Variants in KCNIP4 observed in about 807,000 individuals in gnomAD.
KCNIP4 encodes Kv channel-interacting protein 4.
In KCNIP4, 12 loss-of-function variants were observed where a neutral mutation model predicts 34.0. The observed-to-expected ratio is 0.35, with a 90% CI of 0.23 to 0.57. The LOEUF (loss-of-function observed/expected upper bound fraction) is 0.57, where lower values mean the gene tolerates loss of function less well. KCNIP4 is among the 20% of genes least tolerant of loss of function. The pLI, the probability that KCNIP4 is intolerant of heterozygous loss-of-function variation, is 0.83. For missense variants in KCNIP4, 238 were observed against 311.7 expected (o/e 0.76, Z 1.78); for synonymous variants, 124 against 102.2 (o/e 1.21, Z -1.29).
At chr4:21,429,026 A>T (rs1046117443) in intron 1 of KCNIP4, among the ~76,000 whole-genome samples, 1 of 152,128 alleles carries the variant, frequency 6.6e-6, no homozygotes. Flanking sequence ...CATGCTTGAT[A>T]CTCTACATTC....
chr4:21,138,532 C>CT (rs11414656), intron 1 of KCNIP4, among the ~76,000 whole-genome samples: 79,045 of 151,274 alleles, frequency 0.52, 21,104 homozygotes, highest in African/African-American at 0.62. Context: ...TTTTCTTCTT[C>CT]TTTTTTTTGG....
intron 1 of KCNIP4, among the ~76,000 whole-genome samples, chr4:20,906,982 T>C (rs1251376969): frequency 1.3e-5 from 2 of 152,214 alleles, no homozygotes; most frequent in East Asian, 3.9e-4. Flanking sequence ...ATTGTTCTGA[T>C]GTGTTTATTG....
chr4:21,045,974 G>A (rs1742391567), intron 1 of KCNIP4, among the ~76,000 whole-genome samples: 1 of 152,156 alleles, frequency 6.6e-6, no homozygotes, highest in East Asian at 1.9e-4. Context: ...GAAATGGTAG[G>A]TATTTAAATA....
At chr4:21,841,003 A>T (rs957396708) in intron 1 of KCNIP4, among the ~76,000 whole-genome samples, 1 of 152,198 alleles carries the variant, frequency 6.6e-6, no homozygotes, top group East Asian at 1.9e-4. Flanking sequence ...CTTTGAAATT[A>T]ATTGTTGCTA....
At chr4:21,167,025 A>G (rs1440571142) in intron 1 of KCNIP4, among the ~76,000 whole-genome samples, 3 of 151,302 alleles carry the variant, frequency 2.0e-5, no homozygotes, top group Non-Finnish European at 4.4e-5. Context: ...ATGGTATACT[A>G]TTTAGCATTA....
At chr4:21,926,617 C>T (rs534303830) in intron 1 of KCNIP4, among the ~76,000 whole-genome samples, 6 of 152,208 alleles carry the variant, frequency 3.9e-5, no homozygotes, top group South Asian at 2.1e-4. Context: ...GAAAATGAGA[C>T]TCAGGAAGAA....
At chr4:21,239,873 G>C (rs900520061) in intron 1 of KCNIP4, among the ~76,000 whole-genome samples, 1 of 152,002 alleles carries the variant, frequency 6.6e-6, no homozygotes, top group Non-Finnish European at 1.5e-5. Context: ...CCCATTACTG[G>C]GTATATACCC....
At chr4:20,924,297 T>C (rs1729689627) in intron 1 of KCNIP4, among the ~76,000 whole-genome samples, 1 of 152,154 alleles carries the variant, frequency 6.6e-6, no homozygotes, top group Non-Finnish European at 1.5e-5. Flanking sequence ...TACCAGAAGC[T>C]CCATGTATCA....
At chr4:21,758,136 CAA>C (rs2109162382) in intron 1 of KCNIP4, among the ~76,000 whole-genome samples, 1 of 152,284 alleles carries the variant, frequency 6.6e-6, no homozygotes, top group Admixed American at 6.5e-5. Context: ...ATAATAAAAA[CAA>C]TAAGCGAAAT....
intron 2 of KCNIP4, among the ~76,000 whole-genome samples, chr4:20,855,846 T>C (rs1277591079): frequency 6.6e-6 from 1 of 152,034 alleles, no homozygotes; most frequent in Non-Finnish European, 1.5e-5. Context: ...GAAAAGGACA[T>C]GGAAAGATGA....
At chr4:21,711,734 G>A (rs568855484) in intron 1 of KCNIP4, among the ~76,000 whole-genome samples, 1 of 152,228 alleles carries the variant, frequency 6.6e-6, no homozygotes, top group Admixed American at 6.5e-5. Context: ...CAGACAAAAA[G>A]GGAACTAATG....
chr4:21,584,106 A>G (rs1222357008), intron 1 of KCNIP4, among the ~76,000 whole-genome samples: 1 of 152,030 alleles, frequency 6.6e-6, no homozygotes, highest in African/African-American at 2.4e-5. Flanking sequence ...GCTACAACCA[A>G]ACCTTTGAGG....
intron 3 of KCNIP4, among the ~76,000 whole-genome samples, chr4:20,824,289 A>G (rs1242949133): frequency 6.6e-6 from 1 of 152,214 alleles, no homozygotes; most frequent in Non-Finnish European, 1.5e-5. Context: ...ATAAAATTGT[A>G]TTCTAAAGTA....
chr4:20,743,490 G>A (rs1474434113), intron 5 of KCNIP4, among the ~76,000 whole-genome samples: 3 of 152,118 alleles, frequency 2.0e-5, no homozygotes, highest in Non-Finnish European at 4.4e-5. Context: ...TCTGATCTTT[G>A]ACAAACCTGA....
intron 1 of KCNIP4, among the ~76,000 whole-genome samples, chr4:21,406,366 A>G (rs1444943655): frequency 6.6e-6 from 1 of 152,210 alleles, no homozygotes; most frequent in Non-Finnish European, 1.5e-5. Context: ...AAATAATAGC[A>G]TCAACAATAT....
chr4:20,796,673 A>G (rs1713514412), intron 3 of KCNIP4, among the ~76,000 whole-genome samples: 1 of 151,432 alleles, frequency 6.6e-6, no homozygotes, highest in Non-Finnish European at 1.5e-5. Context: ...TCTAATTTGC[A>G]GAGTAAACAA....
chr4:21,745,147 GAAAT>G (rs1487456724), intron 1 of KCNIP4, among the ~76,000 whole-genome samples: 4 of 152,128 alleles, frequency 2.6e-5, no homozygotes, highest in Non-Finnish European at 5.9e-5. Context: ...GATCTCCCAA[GAAAT>G]AAAGTAGAAA....
At chr4:21,266,799 G>GT (rs146646489) in intron 1 of KCNIP4, among the ~76,000 whole-genome samples, 3,384 of 152,300 alleles carry the variant, frequency 0.022, 135 homozygotes, top group African/African-American at 0.078. Flanking sequence ...GGACACCATG[G>GT]TAAGGAGCCT....
intron 1 of KCNIP4, among the ~76,000 whole-genome samples, chr4:21,052,810 C>A (rs1743039588): frequency 6.6e-6 from 1 of 152,132 alleles, no homozygotes; most frequent in African/African-American, 2.4e-5. Flanking sequence ...TGACTTGGCA[C>A]TGTCTGTATC....
Sources: allele counts gnomAD v4.1 joint callset (sites outside exome capture counted in the v4.1 genomes callset), GRCh38; gene constraint gnomAD v4.1.1; transcripts MANE v1.5; gene names NCBI Gene and HGNC (gene_info 2026-07-23, HGNC 2026-07-21).